The following PTPRG variants were observed in gnomAD, a reference collection of about 807,000 sequenced individuals.
PTPRG encodes the protein receptor-type tyrosine-protein phosphatase gamma.
A neutral mutation model predicts 165.3 loss-of-function variants in PTPRG; 102 were observed. The ratio of observed to expected loss-of-function variants is 0.62; its 90% confidence interval spans 0.53 to 0.73. PTPRG has a LOEUF of 0.73. Ranked by LOEUF, PTPRG falls within the 30% of genes least tolerant of loss-of-function variation. PTPRG has a pLI of 0.00. For synonymous variants in PTPRG, 675 were observed against 669.5 expected, an observed-to-expected ratio of 1.01 and a Z score of -0.13; for missense variants, 1,866 against 1,861.4, an observed-to-expected ratio of 1.00 and a Z score of -0.05.
intron 2 of PTPRG, among the ~76,000 whole-genome samples, chr3:61,866,852 C>T (rs1362167725): frequency 6.6e-6 from 1 of 152,086 alleles, no homozygotes; most frequent in Non-Finnish European, 1.5e-5. Flanking sequence ...CCGCCTTGGC[C>T]TGCCAAAGTG....
At chr3:61,930,599 G>T (rs537050404) in intron 2 of PTPRG, among the ~76,000 whole-genome samples, 1 of 152,360 alleles carries the variant, frequency 6.6e-6, no homozygotes, top group African/African-American at 2.4e-5. Flanking sequence ...TACAGGAAAA[G>T]AGTGTGAAAG....
chr3:62,276,984 G>A lies in PTPRG; in HGVS notation c.3572G>A (p.Arg1191Gln), dbSNP rs141644107. 2.3e-5 allele frequency: 37 copies of A among 1,612,860 alleles called. No individual in the cohort carries two copies. Among genetic ancestry groups the A allele is most frequent in the Middle Eastern group, 1.6e-4 (1 of 6,078 alleles). The change falls in exon 25 of 30, where the codon CGA becomes CAA. Residue 1191 changes from arginine (R) to glutamine (Q), a missense_variant. By Grantham distance (43) the Arg-to-Gln change is conservative (BLOSUM62 1). Coordinates refer to ENST00000474889, the MANE Select transcript of PTPRG (RefSeq NM_002841.4). ...TTCCATATGATAGCTGAGCGTGCTC[G>A]AGTGGGTCTTGCACCATTGCCTGGA... ...NSSVVPSERA[R>Q]VGLAPLPGMK...
intron 4 of PTPRG, among the ~76,000 whole-genome samples, chr3:62,043,767 A>G (rs1383403905): frequency 6.6e-6 from 1 of 152,212 alleles, no homozygotes. Context: ...TTGAGTTCCT[A>G]AACAGTAGAA....
rs1474978049 is a variant in PTPRG at position 62,003,395 on chromosome 3, A to C, written c.417A>C (p.Leu139=). 6.2e-7 allele frequency: 1 copy of C among 1,614,066 alleles called. No individual in the cohort carries two copies. The highest frequency in any genetic ancestry group is 8.5e-7 in the Non-Finnish European group (1 of 1,179,946). Residue 139 remains leucine (L), a synonymous_variant, in exon 4 of 30, where the codon CTA becomes CTC. Transcript: ENST00000474889. ...ACTATTTTGTCAGTGGAGCTGGTCTACCTGGCAGATTCAAAGCTGAGAAGG... is the reference window on the plus strand; with the variant it reads ...ACTATTTTGTCAGTGGAGCTGGTCTCCCTGGCAGATTCAAAGCTGAGAAGG... ...KDDYFVSGAG[L]PGRFKAEKVE...
chr3:61,682,517 G>C (rs1340549128), intron 1 of PTPRG, among the ~76,000 whole-genome samples: 1 of 152,154 alleles, frequency 6.6e-6, no homozygotes, highest in Admixed American at 6.5e-5. Context: ...TGAGGAAAAA[G>C]GTAGCTGGTA....
At position 62,078,264 on chromosome 3, in the gene PTPRG, T is replaced by C; in HGVS notation, c.615+6T>C. 6.4e-7 allele frequency: 1 copy of C among 1,565,814 alleles called. No homozygotes were observed. The stretch of plus-strand genomic sequence containing the variant: ...CCATGGCCATATTTTTTCAAGTAAG[T>C]TAACAGTGGCTGAAGTACTTCAAAG... On this transcript the variant is annotated splice_donor_region_variant and intron_variant, in intron 5 of 29. Transcript: ENST00000474889.
At chr3:61,673,171 T>A (rs1299818025) in intron 1 of PTPRG, among the ~76,000 whole-genome samples, 1 of 151,902 alleles carries the variant, frequency 6.6e-6, no homozygotes, top group Non-Finnish European at 1.5e-5. Flanking sequence ...CAAAATAAAA[T>A]GGAAGAAAAA....
At chr3:61,737,274 A>T (rs1448678658) in intron 1 of PTPRG, among the ~76,000 whole-genome samples, 3 of 151,790 alleles carry the variant, frequency 2.0e-5, no homozygotes, top group Admixed American at 1.3e-4. Context: ...CATGTTGTTC[A>T]GTCATTATAC....
chr3:61,736,718 C>T (rs57855573), intron 1 of PTPRG, among the ~76,000 whole-genome samples: 2 of 152,192 alleles, frequency 1.3e-5, no homozygotes, highest in African/African-American at 4.8e-5. Context: ...TTGACTCACC[C>T]TGGGGATCGG....
intron 1 of PTPRG, among the ~76,000 whole-genome samples, chr3:61,732,507 G>A (rs1022805854): frequency 2.7e-5 from 4 of 149,114 alleles, no homozygotes; most frequent in Admixed American, 1.3e-4. Flanking sequence ...AACCCGGGAG[G>A]CGGAGCTTGC....
chr3:62,042,201 C>T (rs898073198), intron 4 of PTPRG, among the ~76,000 whole-genome samples: 17 of 152,258 alleles, frequency 1.1e-4, no homozygotes, highest in African/African-American at 3.8e-4. Flanking sequence ...GGAGCTTCCA[C>T]ACCAGTTATG....
chr3:61,709,986 C>T (rs1017144792), intron 1 of PTPRG, among the ~76,000 whole-genome samples: 1 of 152,122 alleles, frequency 6.6e-6, no homozygotes, highest in Non-Finnish European at 1.5e-5. Context: ...TGGGACCACA[C>T]TAGAAGTAAC....
At chr3:61,573,687 G>A (rs1208985748) in intron 1 of PTPRG, among the ~76,000 whole-genome samples, 1 of 152,178 alleles carries the variant, frequency 6.6e-6, no homozygotes, top group Non-Finnish European at 1.5e-5. Flanking sequence ...AGTAGTGGTA[G>A]TCATGTATGA....
intron 19 of PTPRG, among the ~76,000 whole-genome samples, chr3:62,268,537 G>C (rs1043200455): frequency 3.3e-5 from 5 of 152,066 alleles, no homozygotes; most frequent in African/African-American, 1.2e-4. Context: ...AAGAACCTAC[G>C]CTTCAGGTTC....
intron 4 of PTPRG, among the ~76,000 whole-genome samples, chr3:62,019,952 G>A (rs2041647900): frequency 6.6e-6 from 1 of 151,836 alleles, no homozygotes; most frequent in Non-Finnish European, 1.5e-5. Flanking sequence ...TAAAACTGAA[G>A]GAAGAGAGGT....
At chr3:61,610,697 C>T (rs1177194988) in intron 1 of PTPRG, among the ~76,000 whole-genome samples, 2 of 151,712 alleles carry the variant, frequency 1.3e-5, no homozygotes, top group Admixed American at 6.6e-5. Context: ...TAGTTATTTT[C>T]GTTTCACTCA....
At chr3:62,136,775 T>A (rs755771578) in intron 6 of PTPRG, among the ~76,000 whole-genome samples, 1 of 152,176 alleles carries the variant, frequency 6.6e-6, no homozygotes, top group Non-Finnish European at 1.5e-5. Context: ...GAGACATGCC[T>A]TTCACCTTCC....
At chr3:62,053,366 A>T (rs1285822097) in intron 4 of PTPRG, among the ~76,000 whole-genome samples, 1 of 150,106 alleles carries the variant, frequency 6.7e-6, no homozygotes, top group Non-Finnish European at 1.5e-5. Context: ...TCCCAGGCTC[A>T]AGTGATTCTC....
At chr3:62,047,353 G>T (rs112127090) in intron 4 of PTPRG, among the ~76,000 whole-genome samples, 1 of 151,964 alleles carries the variant, frequency 6.6e-6, no homozygotes, top group Non-Finnish European at 1.5e-5. Context: ...TCCGCCTCCC[G>T]GGTTCAAGCA....
Sources: allele counts gnomAD v4.1 joint callset (sites outside exome capture counted in the v4.1 genomes callset), GRCh38; gene constraint gnomAD v4.1.1; transcripts MANE v1.5; gene names NCBI Gene and HGNC (gene_info 2026-07-23, HGNC 2026-07-21).